The following CDK13 variants were observed in gnomAD, a reference collection of about 807,000 sequenced individuals.
CDK13 encodes cyclin-dependent kinase 13.
CDK13 carries 40 observed loss-of-function variants against 137.6 expected under a neutral mutation model. That is an observed-to-expected ratio of 0.29 (90% CI 0.23 to 0.38). CDK13 has a LOEUF of 0.38. Ranked by LOEUF, CDK13 falls within the 10% of genes least tolerant of loss-of-function variation. The pLI is 1.00. For missense variants in CDK13, 1,704 were observed against 1,951.8 expected (o/e 0.87, Z 2.39); for synonymous variants, 869 against 760.1 (o/e 1.14, Z -2.36).
chr7:40,057,738 A>G (rs1786052613), intron 7 of CDK13, among the ~76,000 whole-genome samples: 1 of 152,210 alleles, frequency 6.6e-6, no homozygotes, highest in South Asian at 2.1e-4. Context: ...AAGAATGGGC[A>G]AGTAAGACAG....
intron 7 of CDK13, among the ~76,000 whole-genome samples, chr7:40,056,783 A>G (rs940147590): frequency 1.3e-5 from 2 of 152,192 alleles, no homozygotes; most frequent in African/African-American, 2.4e-5. Context: ...TTAGACCTTG[A>G]TGGTTGAATG....
At chr7:39,961,855 C>T (rs1180254044) in intron 1 of CDK13, among the ~76,000 whole-genome samples, 2 of 151,914 alleles carry the variant, frequency 1.3e-5, no homozygotes, top group African/African-American at 4.8e-5. Flanking sequence ...TCTCATTGTT[C>T]AATTCCCACC....
chr7:39,950,944 G>A lies in CDK13; in HGVS notation c.303G>A (p.Gly101=). 1 of 1,311,730 alleles carries A rather than the reference G, an allele frequency of 7.6e-7. No homozygotes were observed. The allele number at this position is 1,311,730 out of a possible 1,614,324, so 81.3% of individuals were successfully genotyped here. A position where few individuals can be genotyped will look rare whatever the true frequency, so the allele number is the denominator to read the frequency against. The change falls in exon 1 of 14, where the codon GGG becomes GGA. Residue 101 remains glycine (G), a synonymous_variant. Transcript: ENST00000181839. The stretch of plus-strand genomic sequence containing the variant: ...CGAGAGGCAAGAGGCGCGCAGGAGG[G>A]CGGCAGAAGCGGCGTCGCGGGCCCC... ...RLARGKRRAG[G]RQKRRRGPRA...
At chr7:39,959,010 T>A (rs1343754462) in intron 1 of CDK13, among the ~76,000 whole-genome samples, 1 of 152,074 alleles carries the variant, frequency 6.6e-6, no homozygotes, top group East Asian at 1.9e-4. Flanking sequence ...AGGCTGATCT[T>A]GAACTCCTGA....
At chr7:39,981,874 CT>C (rs1784231790) in intron 1 of CDK13, among the ~76,000 whole-genome samples, 1 of 150,290 alleles carries the variant, frequency 6.7e-6, no homozygotes, top group Non-Finnish European at 1.5e-5. Context: ...TCACTGCAAG[CT>C]CTGCCTCCCG....
chr7:39,989,786 T>C (rs1386598945), intron 2 of CDK13, among the ~76,000 whole-genome samples: 2 of 145,430 alleles, frequency 1.4e-5, no homozygotes, highest in African/African-American at 2.5e-5. Context: ...ACTTTATCCT[T>C]TTTTTTTTTT....
chr7:40,043,342 A>G (rs180957780), intron 5 of CDK13, among the ~76,000 whole-genome samples: 5 of 152,216 alleles, frequency 3.3e-5, no homozygotes, highest in African/African-American at 4.8e-5. Flanking sequence ...GTCAGTCCCT[A>G]TGGTATGACA....
At chr7:40,016,510 G>C (rs1188237110) in intron 5 of CDK13, among the ~76,000 whole-genome samples, 1 of 152,100 alleles carries the variant, frequency 6.6e-6, no homozygotes, top group African/African-American at 2.4e-5. Flanking sequence ...AAAACTTCCA[G>C]GTTTCTTACT....
intron 5 of CDK13, among the ~76,000 whole-genome samples, chr7:40,042,473 CTTTCTTTTTTTTTTT>C (rs1584028769): frequency 8.7e-6 from 1 of 114,604 alleles, no homozygotes; most frequent in Non-Finnish European, 1.7e-5. Flanking sequence ...CTTTTCTTTT[CTTTCTTTTTTTTTTT>C]TTTTTTTTTT....
At chr7:39,966,451 C>T (rs1482090297) in intron 1 of CDK13, among the ~76,000 whole-genome samples, 1 of 152,194 alleles carries the variant, frequency 6.6e-6, no homozygotes, top group East Asian at 1.9e-4. Flanking sequence ...CCTTGATTTT[C>T]AGCTCCATCA....
Position 40,098,241 on chromosome 7 carries a change from A to G in CDK13, c.*3261A>G, listed in dbSNP as rs960184209. 8 of 152,144 alleles carry G rather than the reference A, an allele frequency of 5.3e-5. No individual in the cohort carries two copies. Among genetic ancestry groups the G allele is most frequent in the African/African-American group, 1.4e-4 (6 of 41,452 alleles). The allele number at this position is 152,144 out of a possible 1,614,324, so 9.4% of individuals were successfully genotyped here. A position where few individuals can be genotyped will look rare whatever the true frequency, so the allele number is the denominator to read the frequency against. ...AATGGCCTATTTGTAAGAAATATCA[A>G]GACTTCTTGAGAAAAATGAAAAGTG... On this transcript the variant is annotated 3_prime_UTR_variant, in exon 14 of 14. Transcript: ENST00000181839.
intron 5 of CDK13, among the ~76,000 whole-genome samples, chr7:40,024,559 TTC>T (rs1166112437): frequency 6.6e-6 from 1 of 151,840 alleles, no homozygotes. Context: ...CAGGTTGGCT[TTC>T]TCTCTCTCTG....
At chr7:39,978,094 A>T (rs1784146557) in intron 1 of CDK13, among the ~76,000 whole-genome samples, 1 of 152,010 alleles carries the variant, frequency 6.6e-6, no homozygotes, top group East Asian at 1.9e-4. Flanking sequence ...AGTAGAGAGG[A>T]TGATTTGCGG....
At chr7:40,053,755 TTC>T (rs1321279167) in intron 7 of CDK13, among the ~76,000 whole-genome samples, 4 of 149,060 alleles carry the variant, frequency 2.7e-5, no homozygotes, top group South Asian at 2.3e-4. Context: ...ACCACCATTT[TTC>T]TTTTTTTTTT....
At chr7:40,080,904 A>G (rs2150537807) in intron 11 of CDK13, among the ~76,000 whole-genome samples, 1 of 152,342 alleles carries the variant, frequency 6.6e-6, no homozygotes, top group East Asian at 1.9e-4. Flanking sequence ...TTCTACATGC[A>G]TACCATATAA....
In CDK13 at chr7:39,951,386, GGCA is replaced by G. The variant is rs746568580; in HGVS notation, c.760_762del (p.Ser254del). 1.5e-4 allele frequency: 222 copies of G among 1,519,154 alleles called. 1 individual carries two copies. Among genetic ancestry groups the G allele is most frequent in the South Asian group, 6.2e-4 (51 of 81,894 alleles). The allele number at this position is 1,519,154 out of a possible 1,614,324, so 94.1% of individuals were successfully genotyped here. On this transcript the variant is annotated inframe_deletion, in exon 1 of 14. Transcript: ENST00000181839. ...GGAACGGGCCGAGGTCGCCAAGAGC[GGCA>G]GCAGCAGCAGCAGCGGCGGCCGCCG...
At chr7:39,971,911 A>G (rs1648962063) in intron 1 of CDK13, among the ~76,000 whole-genome samples, 1 of 152,126 alleles carries the variant, frequency 6.6e-6, no homozygotes, top group South Asian at 2.1e-4. Flanking sequence ...AAAACAAAAA[A>G]AGGTCCAGCC....
At chr7:39,972,043 C>G (rs1221413402) in intron 1 of CDK13, among the ~76,000 whole-genome samples, 1 of 152,216 alleles carries the variant, frequency 6.6e-6, no homozygotes, top group Non-Finnish European at 1.5e-5. Flanking sequence ...AAGTACTGAG[C>G]TCCCTTCTAC....
rs572231509 is a variant in CDK13, at chr7:39,967,208, G to A, written c.1211+15356G>A. Among the ~76,000 whole-genome samples the A allele has an allele frequency of 1.3e-4, 20 of 152,192 alleles. No homozygotes were observed. In the East Asian group the frequency reaches 3.5e-3, roughly 26 times the overall value. ...TTTGGGAGCCTGAGGTGGGCAGATCGCTTGAGCTCAGGAGTTTGAGACTAG... is the reference window on the plus strand; with the variant it reads ...TTTGGGAGCCTGAGGTGGGCAGATCACTTGAGCTCAGGAGTTTGAGACTAG... On this transcript the variant is annotated intron_variant, in intron 1 of 13. Coordinates refer to ENST00000181839, the MANE Select transcript of CDK13 (RefSeq NM_003718.5).
Sources: allele counts gnomAD v4.1 joint callset (sites outside exome capture counted in the v4.1 genomes callset), GRCh38; gene constraint gnomAD v4.1.1; transcripts MANE v1.5; gene names NCBI Gene and HGNC (gene_info 2026-07-23, HGNC 2026-07-21).